TMC7: variants seen among roughly 807,000 people sequenced by gnomAD.
The protein encoded by TMC7 is transmembrane channel like 7, also known as transmembrane channel-like protein 7.
In TMC7, 54 loss-of-function variants were observed where a neutral mutation model predicts 82.9. That is an observed-to-expected ratio of 0.65 (90% CI 0.52 to 0.82). The LOEUF (loss-of-function observed/expected upper bound fraction) is 0.82. TMC7 is among the 40% of genes least tolerant of loss of function. TMC7 has a pLI of 0.00. For missense variants in TMC7, 820 were observed against 901.2 expected, an observed-to-expected ratio of 0.91 and a Z score of 1.15; for synonymous variants, 350 against 337.9, an observed-to-expected ratio of 1.04 and a Z score of -0.39.
intron 1 of TMC7, among the ~76,000 whole-genome samples, chr16:18,997,762 C>T (rs1421949463): frequency 2.1e-5 from 3 of 142,214 alleles, no homozygotes; most frequent in Non-Finnish European, 4.5e-5. Flanking sequence ...TGGAGTCTTG[C>T]TCTGTCGCCC....
At chr16:19,020,679 C>T (rs1959923598) in intron 3 of TMC7, among the ~76,000 whole-genome samples, 1 of 151,388 alleles carries the variant, frequency 6.6e-6, no homozygotes, top group Non-Finnish European at 1.5e-5. Context: ...ACCAGCTTGG[C>T]CAACATGGTG....
At chr16:18,998,164 A>C (rs1190198752) in intron 1 of TMC7, among the ~76,000 whole-genome samples, 1 of 152,234 alleles carries the variant, frequency 6.6e-6, no homozygotes, top group Admixed American at 6.5e-5. Flanking sequence ...ACCTCTTTAC[A>C]GAAAACGTTT....
At chr16:19,030,572 GTTC>G (rs1309762336) in intron 6 of TMC7, among the ~76,000 whole-genome samples, 5 of 150,618 alleles carry the variant, frequency 3.3e-5, no homozygotes, top group Non-Finnish European at 7.4e-5. Context: ...GCAGACTGAG[GTTC>G]TTCTTTTTTT....
At chr16:19,056,074 TTTTC>T (rs571963759) in intron 13 of TMC7, among the ~76,000 whole-genome samples, 31 of 151,848 alleles carry the variant, frequency 2.0e-4, no homozygotes, top group East Asian at 5.8e-4. Flanking sequence ...AGGGTAAGCA[TTTTC>T]TTTCTTTCTT....
intron 15 of TMC7, among the ~76,000 whole-genome samples, chr16:19,061,096 T>G (rs957381554): frequency 2.0e-5 from 3 of 150,710 alleles, no homozygotes. Context: ...CTCCACCTCC[T>G]GGGTTCAAGC....
At chr16:19,028,414 T>C (rs1960336579) in intron 5 of TMC7, among the ~76,000 whole-genome samples, 1 of 152,136 alleles carries the variant, frequency 6.6e-6, no homozygotes, top group Non-Finnish European at 1.5e-5. Context: ...TCAGAGAGTG[T>C]TCTGAGCCAC....
At position 19,031,209 on chromosome 16, in the gene TMC7, G is replaced by A. The variant is rs1414802420; in HGVS notation, c.857+840G>A. On this transcript the variant is annotated intron_variant, in intron 6 of 15. Transcript: ENST00000304381. ...AGCCTTGACCTCCTGGGTCACAGGT[G>A]CAGAAATCCTTAGAAAAGACTTGTT... is the stretch of plus-strand genomic sequence containing the variant. Among the ~76,000 whole-genome samples, 8 of 152,328 alleles carry A rather than the reference G, an allele frequency of 5.3e-5. No homozygotes were observed. In the East Asian group the frequency reaches 1.5e-3, roughly 29 times the overall value.
Position 19,059,436 on chromosome 16 carries a change from T to C in TMC7, c.2048T>C (p.Ile683Thr). The part of the protein sequence containing the change: ...MIICLIMFYF[I>T]ALAGAHKRVV... ...TGCAGCCTCATCATGTTTTACTTCA[T>C]TGCCTTAGCTGGAGCACACAAACGG... Residue 683 changes from isoleucine to threonine, a missense_variant, in exon 15 of 16, where the codon ATT (isoleucine) becomes ACT (threonine). Physicochemically the swap from Ile to Thr is moderately conservative, Grantham distance 89. Transcript: ENST00000304381. The C allele has an allele frequency of 6.2e-7, 1 of 1,614,034 alleles. No individual in the cohort carries two copies.
At chr16:19,033,926 C>T (rs955228486) in intron 6 of TMC7, 1 of 152,194 alleles carries the variant, frequency 6.6e-6, no homozygotes, top group Non-Finnish European at 1.5e-5. Context: ...ACAATTCCTT[C>T]CATTTCTATT....
intron 7 of TMC7, 126 bp from the exon 8 acceptor site, chr16:19,037,748 C>T: frequency 1.9e-6 from 2 of 1,035,024 alleles, no homozygotes; most frequent in Non-Finnish European, 1.4e-6. Flanking sequence ...GCTAGGGTTA[C>T]AGGAGTGAGC....
chr16:19,047,634 A>T (rs948998003), intron 12 of TMC7, among the ~76,000 whole-genome samples: 1 of 149,804 alleles, frequency 6.7e-6, no homozygotes, highest in Admixed American at 6.7e-5. Context: ...TGACCTCATG[A>T]TCCACCCGCC....
chr16:19,039,324 C>T (rs1295731404), intron 8 of TMC7, among the ~76,000 whole-genome samples: 1 of 152,084 alleles, frequency 6.6e-6, no homozygotes. Context: ...CTTCTGACCT[C>T]AAGTGATCCA....
intron 1 of TMC7, among the ~76,000 whole-genome samples, chr16:18,998,181 G>A (rs1038926907): frequency 4.6e-5 from 7 of 152,126 alleles, no homozygotes; most frequent in African/African-American, 1.4e-4. Context: ...GTTTGCTGAC[G>A]TCTGTTCTAA....
chr16:19,038,132 C>T (rs1195150365), intron 8 of TMC7, 85 bp downstream of exon 8: 1 of 1,336,400 alleles, frequency 7.5e-7, no homozygotes, highest in Non-Finnish European at 1.0e-6. Context: ...TTCTGTTTTA[C>T]ATATGGAGAT....
chr16:19,035,856 C>A, intron 7 of TMC7, 33 bp downstream of exon 7: 1 of 1,537,346 alleles, frequency 6.5e-7, no homozygotes, highest in South Asian at 1.3e-5. Flanking sequence ...GTGGTGGGGT[C>A]CTCACCAGCA....
At chr16:19,013,092 C>T (rs375009583) in intron 2 of TMC7, among the ~76,000 whole-genome samples, 38 of 151,738 alleles carry the variant, frequency 2.5e-4, no homozygotes, top group East Asian at 2.0e-3. Flanking sequence ...GCTGGGATTA[C>T]AGGCTTAGCC....
rs181976071 is a variant in TMC7 at position 18,994,093 on chromosome 16, G to A, written c.67+9963G>A. ...TGTGGTATCTGGAATAATGTGGGAG[G>A]CTGGATTGAAGTCCAGGCCAGGAAC... On this transcript the variant is annotated intron_variant, in intron 1 of 15. Transcript: ENST00000304381. Among the ~76,000 whole-genome samples the A allele has an allele frequency of 7.6e-3, 1,162 of 152,240 alleles. 14 individuals carry two copies. Among genetic ancestry groups the A allele is most frequent in the Middle Eastern group, 0.054 (16 of 294 alleles).
intron 6 of TMC7, among the ~76,000 whole-genome samples, chr16:19,034,865 T>A: frequency 6.6e-6 from 1 of 152,054 alleles, no homozygotes; most frequent in African/African-American, 2.4e-5. Flanking sequence ...TATAGTTACA[T>A]GGGAGGAGAG....
At chr16:18,992,015 G>A (rs1332751495) in intron 1 of TMC7, among the ~76,000 whole-genome samples, 1 of 152,138 alleles carries the variant, frequency 6.6e-6, no homozygotes, top group Non-Finnish European at 1.5e-5. Context: ...ATTTGGGTTG[G>A]TTCTAAGTCT....
Sources: allele counts gnomAD v4.1 joint callset (sites outside exome capture counted in the v4.1 genomes callset), GRCh38; gene constraint gnomAD v4.1.1; transcripts MANE v1.5; gene names NCBI Gene and HGNC (gene_info 2026-07-23, HGNC 2026-07-21).